Variants in RASGEF1C observed in about 807,000 individuals in gnomAD.
RASGEF1C encodes the protein RasGEF domain family member 1C.
A neutral mutation model predicts 58.1 loss-of-function variants in RASGEF1C; 27 were observed. The observed-to-expected ratio is 0.46, with a 90% CI of 0.34 to 0.64. The LOEUF (loss-of-function observed/expected upper bound fraction) is 0.64. RASGEF1C is among the 30% of genes least tolerant of loss of function. The pLI, the probability that RASGEF1C is intolerant of heterozygous loss-of-function variation, is 0.01. For missense variants in RASGEF1C, 502 were observed against 605.1 expected (o/e 0.83, Z 1.79); for synonymous variants, 243 against 246.3 (o/e 0.99, Z 0.13).
chr5:180,129,510 G>GC (rs1179521081), intron 4 of RASGEF1C, among the ~76,000 whole-genome samples: 2 of 152,030 alleles, frequency 1.3e-5, no homozygotes, highest in East Asian at 1.9e-4. Context: ...CCTGGCTGAG[G>GC]CCCCCCCAGA....
At chr5:180,150,282 T>G (rs1766725568) in intron 1 of RASGEF1C, among the ~76,000 whole-genome samples, 1 of 152,232 alleles carries the variant, frequency 6.6e-6, no homozygotes, top group Non-Finnish European at 1.5e-5. Context: ...TCATACATCT[T>G]TTTCTTGACT....
At chr5:180,123,922 G>A (rs917840751) in intron 6 of RASGEF1C, among the ~76,000 whole-genome samples, 4 of 152,134 alleles carry the variant, frequency 2.6e-5, no homozygotes, top group Non-Finnish European at 5.9e-5. Flanking sequence ...ACAAATAATT[G>A]TATGTCTATA....
intron 1 of RASGEF1C, among the ~76,000 whole-genome samples, chr5:180,192,319 C>T (rs537513319): frequency 2.0e-5 from 3 of 152,300 alleles, no homozygotes; most frequent in South Asian, 2.1e-4. Context: ...ACCCACAGCA[C>T]GGATACGTTC....
At chr5:180,170,797 G>A (rs1300184940) in intron 1 of RASGEF1C, among the ~76,000 whole-genome samples, 2 of 152,218 alleles carry the variant, frequency 1.3e-5, no homozygotes, top group African/African-American at 4.8e-5. Context: ...CTTCACAGGT[G>A]CATTGTGGCA....
rs1419038825 is a variant in RASGEF1C at position 180,177,851 on chromosome 5, T to C, written c.-7+31177A>G. ...GCAAGGTAAGGACAGGAAGTAAGTA[T>C]GGAGCTGGTGGGGGCTTTCTTGTGA... On this transcript the variant is annotated intron_variant, in intron 1 of 13. Coordinates refer to ENST00000361132, the MANE Select transcript of RASGEF1C (RefSeq NM_175062.4). This position sits in a 1 kb window ranked among gnomAD's most constrained non-coding sequence, Gnocchi z 5.0. 6.6e-6 allele frequency among the ~76,000 whole-genome samples: 1 copy of C among 152,094 alleles called. No homozygotes were observed. Among genetic ancestry groups the C allele is most frequent in the African/African-American group, 2.4e-5 (1 of 41,422 alleles).
chr5:180,196,069 T>C (rs1756269839), intron 1 of RASGEF1C, among the ~76,000 whole-genome samples: 1 of 152,232 alleles, frequency 6.6e-6, no homozygotes, highest in African/African-American at 2.4e-5. Context: ...TTTTTTGTCA[T>C]GTAGAGCTTT....
intron 1 of RASGEF1C, among the ~76,000 whole-genome samples, chr5:180,184,384 G>C (rs1478063037): frequency 1.3e-5 from 2 of 152,120 alleles, no homozygotes; most frequent in East Asian, 3.9e-4. Flanking sequence ...AGACCAGCCT[G>C]ACCAACATGG....
At chr5:180,163,456 G>A (rs1340056379) in intron 1 of RASGEF1C, among the ~76,000 whole-genome samples, 3 of 151,832 alleles carry the variant, frequency 2.0e-5, no homozygotes, top group Non-Finnish European at 2.9e-5. Flanking sequence ...GTTTTATCAC[G>A]AATGGATGTT....
intron 1 of RASGEF1C, among the ~76,000 whole-genome samples, chr5:180,208,826 G>A (rs959221758): frequency 1.3e-4 from 20 of 151,532 alleles, no homozygotes; most frequent in Admixed American, 4.6e-4. Flanking sequence ...TGCCCTCAGG[G>A]TACCCTACCC....
intron 1 of RASGEF1C, among the ~76,000 whole-genome samples, chr5:180,147,452 T>C (rs1766675220): frequency 6.6e-6 from 1 of 152,182 alleles, no homozygotes; most frequent in Non-Finnish European, 1.5e-5. Flanking sequence ...AAATTTTCCA[T>C]TAAGGACAGT....
intron 1 of RASGEF1C, among the ~76,000 whole-genome samples, chr5:180,202,742 G>A (rs191645378): frequency 2.7e-5 from 4 of 147,310 alleles, no homozygotes; most frequent in African/African-American, 7.5e-5. Flanking sequence ...TCTCGCTGTC[G>A]CCCAGGCTGG....
chr5:180,112,163 C>T (rs188868052), intron 11 of RASGEF1C, among the ~76,000 whole-genome samples: 4 of 152,182 alleles, frequency 2.6e-5, no homozygotes, highest in East Asian at 1.9e-4. Context: ...GGGGTTCCCA[C>T]GCCTGGCTCT....
intron 6 of RASGEF1C, among the ~76,000 whole-genome samples, chr5:180,124,957 A>C (rs1766231227): frequency 6.6e-6 from 1 of 151,976 alleles, no homozygotes; most frequent in African/African-American, 2.4e-5. Context: ...ACATGGAGAA[A>C]CCCTGTCTCC....
chr5:180,154,031 A>G (rs1441460905), intron 1 of RASGEF1C, among the ~76,000 whole-genome samples: 1 of 152,138 alleles, frequency 6.6e-6, no homozygotes, highest in Non-Finnish European at 1.5e-5. Context: ...TTCTCCTGCC[A>G]TGAGAGAGAA....
intron 1 of RASGEF1C, among the ~76,000 whole-genome samples, chr5:180,157,424 C>T (rs1250414365): frequency 2.6e-5 from 4 of 151,728 alleles, no homozygotes; most frequent in Non-Finnish European, 5.9e-5. Context: ...GAGTTCGAGA[C>T]CAGCTTGACC....
chr5:180,101,568 C>G, intron 13 of RASGEF1C, 43 bp from the exon 14 acceptor site: 1 of 1,606,784 alleles, frequency 6.2e-7, no homozygotes, highest in Non-Finnish European at 8.5e-7. Context: ...GCCTGGAGCT[C>G]CCCACCCCAG....
chr5:180,111,331 C>T (rs1173465090), intron 12 of RASGEF1C, 126 bp downstream of exon 12: 17 of 1,304,486 alleles, frequency 1.3e-5, no homozygotes, highest in Admixed American at 8.2e-5. Flanking sequence ...TGTTCCCTCC[C>T]GGAGCCAGCC....
intron 12 of RASGEF1C, 61 bp from the exon 13 acceptor site, chr5:180,102,204 C>T: frequency 2.1e-6 from 2 of 970,796 alleles, no homozygotes; most frequent in Non-Finnish European, 3.3e-6. Flanking sequence ...CTGTTCTACA[C>T]CTGCTATATC....
chr5:180,193,047 G>GTTT (rs752384336), intron 1 of RASGEF1C, among the ~76,000 whole-genome samples: 2 of 72,568 alleles, frequency 2.8e-5, no homozygotes, highest in African/African-American at 3.8e-5. Context: ...CGCCCGGCCA[G>GTTT]TTTTTTTTGT....
Sources: allele counts gnomAD v4.1 joint callset (sites outside exome capture counted in the v4.1 genomes callset), GRCh38; gene constraint gnomAD v4.1.1; non-coding constraint Gnocchi (gnomAD v3.1); transcripts MANE v1.5; gene names NCBI Gene and HGNC (gene_info 2026-07-23, HGNC 2026-07-21).